The following FABP12 variants were observed in gnomAD, a reference collection of about 807,000 sequenced individuals.
FABP12 encodes fatty acid binding protein 12.
Under a neutral mutation model 13.7 loss-of-function variants are expected in FABP12, and 19 were observed. The ratio of observed to expected loss-of-function variants is 1.39; its 90% confidence interval spans 0.97 to 2.04. The LOEUF (loss-of-function observed/expected upper bound fraction) is 2.04, where lower values mean the gene tolerates loss of function less well. FABP12 is among the 30% of genes most tolerant of loss of function. The pLI is 0.00. For missense variants in FABP12, 182 were observed against 164.2 expected, an observed-to-expected ratio of 1.11 and a Z score of -0.59; for synonymous variants, 61 against 57.0, an observed-to-expected ratio of 1.07 and a Z score of -0.32.
chr8:81,554,640 C>T (rs1809576385), intron 1 of FABP12, among the ~76,000 whole-genome samples: 3 of 152,136 alleles, frequency 2.0e-5, no homozygotes, highest in South Asian at 2.1e-4. Flanking sequence ...TAGGCATTGA[C>T]TACAATCAGC....
intron 1 of FABP12, among the ~76,000 whole-genome samples, chr8:81,583,627 A>G (rs1810200198): frequency 6.6e-6 from 1 of 152,148 alleles, no homozygotes; most frequent in Admixed American, 6.5e-5. Context: ...CATACAACCT[A>G]CCACGATTGA....
upstream of FABP12, among the ~76,000 whole-genome samples, chr8:81,536,605 C>T (rs1342238047): frequency 6.6e-6 from 1 of 152,210 alleles, no homozygotes; most frequent in Non-Finnish European, 1.5e-5. Context: ...TTTCCCACCA[C>T]TGAGTATATA....
intron 4 of FABP12, among the ~76,000 whole-genome samples, chr8:81,525,623 A>G (rs1415425662): frequency 6.6e-6 from 1 of 152,022 alleles, no homozygotes; most frequent in Non-Finnish European, 1.5e-5. Flanking sequence ...TGGTTTTGCC[A>G]TGTTCTATAT....
At chr8:81,549,723 C>T (rs1809495831) in intron 1 of FABP12, among the ~76,000 whole-genome samples, 1 of 152,130 alleles carries the variant, frequency 6.6e-6, no homozygotes, top group Non-Finnish European at 1.5e-5. Context: ...TCATGTTCTG[C>T]TGTCATTTTG....
chr8:81,558,148 A>G (rs1001408882), intron 1 of FABP12, among the ~76,000 whole-genome samples: 4 of 152,232 alleles, frequency 2.6e-5, no homozygotes, highest in African/African-American at 9.6e-5. Flanking sequence ...GTGCTCTGAA[A>G]GGAGGAAGAA....
At chr8:81,572,603 C>T (rs1809954206) in intron 1 of FABP12, among the ~76,000 whole-genome samples, 2 of 152,194 alleles carry the variant, frequency 1.3e-5, no homozygotes, top group African/African-American at 4.8e-5. Context: ...ATCACCGCAT[C>T]CATACCAACA....
At chr8:81,572,390 A>G (rs1295774558) in intron 1 of FABP12, among the ~76,000 whole-genome samples, 1 of 152,120 alleles carries the variant, frequency 6.6e-6, no homozygotes, top group Non-Finnish European at 1.5e-5. Context: ...CGATTTTGCT[A>G]TTGTAAATTG....
chr8:81,531,569 A>G (rs1318402049), intron 1 of FABP12, among the ~76,000 whole-genome samples, 179 bp from the exon 2 acceptor site: 1 of 152,192 alleles, frequency 6.6e-6, no homozygotes, highest in African/African-American at 2.4e-5. Context: ...AACTAGATAT[A>G]CCTTTTCCAA....
At chr8:81,582,963 A>T (rs188945978) in intron 1 of FABP12, among the ~76,000 whole-genome samples, 4 of 152,352 alleles carry the variant, frequency 2.6e-5, no homozygotes, top group African/African-American at 9.6e-5. Context: ...ACACAAAACA[A>T]GTCTCAGCAA....
At chr8:81,582,011 A>T (rs1221573374) in intron 1 of FABP12, among the ~76,000 whole-genome samples, 1 of 152,108 alleles carries the variant, frequency 6.6e-6, no homozygotes, top group East Asian at 1.9e-4. Flanking sequence ...TAAACAAAAC[A>T]ACCATAAATC....
At chr8:81,557,763 C>T (rs1809644791) in intron 1 of FABP12, among the ~76,000 whole-genome samples, 1 of 152,176 alleles carries the variant, frequency 6.6e-6, no homozygotes, top group Admixed American at 6.5e-5. Context: ...TTTAGTTTCT[C>T]ATTTTCTTAG....
chr8:81,529,126 A>C (rs1808987840), intron 3 of FABP12, among the ~76,000 whole-genome samples: 1 of 152,228 alleles, frequency 6.6e-6, no homozygotes, highest in Non-Finnish European at 1.5e-5. Context: ...CAAAATGGAT[A>C]GGGAAAACTT....
chr8:81,551,208 T>C (rs1273653083), intron 1 of FABP12, among the ~76,000 whole-genome samples: 6 of 152,190 alleles, frequency 3.9e-5, no homozygotes, highest in African/African-American at 7.2e-5. Context: ...TCCCTAGACA[T>C]GTTGATGGGT....
chr8:81,587,784 T>A (rs931384669), intron 1 of FABP12, among the ~76,000 whole-genome samples: 1 of 152,108 alleles, frequency 6.6e-6, no homozygotes, highest in Non-Finnish European at 1.5e-5. Flanking sequence ...GATGTATATA[T>A]AAATAAACGG....
chr8:81,546,816 C>T (rs943148435), intron 1 of FABP12, among the ~76,000 whole-genome samples: 15 of 152,124 alleles, frequency 9.9e-5, no homozygotes, highest in East Asian at 3.9e-4. Context: ...TTTGTTTCGA[C>T]GTCTTCACTG....
intron 2 of FABP12, among the ~76,000 whole-genome samples, chr8:81,530,776 A>G (rs934851148): frequency 6.6e-6 from 1 of 152,126 alleles, no homozygotes; most frequent in Non-Finnish European, 1.5e-5. Context: ...TTTCCTTTTA[A>G]GAGGGAGGAA....
chr8:81,537,335 C>A (rs1231600689), upstream of FABP12, among the ~76,000 whole-genome samples: 1 of 152,120 alleles, frequency 6.6e-6, no homozygotes, highest in African/African-American at 2.4e-5. Flanking sequence ...TGAGTCTAAA[C>A]TGGAATGGTT....
chr8:81,564,691 G>A (rs966307985), intron 1 of FABP12, among the ~76,000 whole-genome samples: 1 of 151,922 alleles, frequency 6.6e-6, no homozygotes, highest in Non-Finnish European at 1.5e-5. Flanking sequence ...TGTAACAACA[G>A]ATGCACAAAA....
At chr8:81,537,675 T>A (rs564185448), upstream of FABP12, among the ~76,000 whole-genome samples, 1 of 152,268 alleles carries the variant, frequency 6.6e-6, no homozygotes, top group African/African-American at 2.4e-5. Context: ...CTCTTAGTAT[T>A]TTCTGGCTAA....
Sources: gnomAD v4.1 joint callset for allele counts (sites outside exome capture counted in the v4.1 genomes callset) on GRCh38, gnomAD v4.1.1 for gene constraint, MANE v1.5 for transcripts, NCBI Gene and HGNC (gene_info 2026-07-23, HGNC 2026-07-21) for gene names.